Variants in TMTC2 observed in about 807,000 individuals in gnomAD.
TMTC2 encodes the protein protein O-mannosyl-transferase TMTC2.
TMTC2 carries 43 observed loss-of-function variants against 82.4 expected under a neutral mutation model. The ratio of observed to expected loss-of-function variants is 0.52; its 90% CI spans 0.41 to 0.67. TMTC2 has a LOEUF of 0.67. Among genes scored for constraint, TMTC2 ranks in the 30% least tolerant of loss-of-function variants. The probability of loss-of-function intolerance (pLI) is 0.00; values close to 1 mark genes in which losing one functional copy is unlikely to be tolerated. For synonymous variants in TMTC2, 408 were observed against 381.9 expected (o/e 1.07, Z -0.80); for missense variants, 919 against 1,012.4 (o/e 0.91, Z 1.25).
chr12:82,983,767 A>G (rs1879033580), intron 7 of TMTC2, among the ~76,000 whole-genome samples: 1 of 152,048 alleles, frequency 6.6e-6, no homozygotes, highest in Admixed American at 6.6e-5. Context: ...ATTTAGGCCC[A>G]TATTCCATCT....
In TMTC2 at chr12:82,942,337, T is replaced by C. The variant is rs146272697; in HGVS notation, c.1598+11792T>C. ...ATTTATTATTAATAGGATAAGATGT[T>C]TCCTGGTTCTTAAAATATCAGTCTG... On this transcript the variant is annotated intron_variant, in intron 4 of 11. Coordinates refer to ENST00000321196, the MANE Select transcript of TMTC2 (RefSeq NM_152588.3). 8.8e-3 allele frequency among the ~76,000 whole-genome samples: 1,335 copies of C among 152,326 alleles called. 23 individuals carry two copies. Among genetic ancestry groups the C allele is most frequent in the African/African-American group, 0.03 (1,264 of 41,572 alleles).
intron 11 of TMTC2, among the ~76,000 whole-genome samples, chr12:83,105,214 T>G (rs944422221): frequency 1.3e-5 from 2 of 152,168 alleles, no homozygotes; most frequent in African/African-American, 4.8e-5. Flanking sequence ...CCAACTTTCC[T>G]TTATCTTCCT....
intron 1 of TMTC2, among the ~76,000 whole-genome samples, chr12:82,732,360 T>G (rs1190800976): frequency 1.3e-5 from 2 of 152,112 alleles, no homozygotes; most frequent in East Asian, 1.9e-4. Context: ...TTTTTTTTTA[T>G]GAGACGGATT....
chr12:83,047,511 C>CA (rs1165338039), intron 9 of TMTC2, among the ~76,000 whole-genome samples: 2 of 152,206 alleles, frequency 1.3e-5, no homozygotes, highest in Non-Finnish European at 2.9e-5. Flanking sequence ...AGATGATTCA[C>CA]ATTCCATAAT....
intron 11 of TMTC2, among the ~76,000 whole-genome samples, chr12:83,078,064 C>A (rs1883347896): frequency 1.3e-5 from 2 of 151,924 alleles, no homozygotes; most frequent in Non-Finnish European, 2.9e-5. Flanking sequence ...ACTGACTTAG[C>A]AGGGCTCTCA....
Position 82,944,494 on chromosome 12 carries a change from G to A in TMTC2, c.1598+13949G>A, listed in dbSNP as rs1796165. 9.0e-3 allele frequency among the ~76,000 whole-genome samples: 1,352 copies of A among 150,476 alleles called. 21 individuals are homozygous for A. Among genetic ancestry groups the A allele is most frequent in the African/African-American group, 0.031 (1,285 of 40,858 alleles). On this transcript the variant is annotated intron_variant, in intron 4 of 11. Transcript: ENST00000321196. ...AGCGACTCCCAGGCAGGAGAAAGGC[G>A]TGAACCCGGGAGATGGCGCTTGCAG...
intron 4 of TMTC2, among the ~76,000 whole-genome samples, chr12:82,951,970 T>C (rs555696570): frequency 6.6e-6 from 1 of 152,186 alleles, no homozygotes; most frequent in African/African-American, 2.4e-5. Context: ...ATTCTTTTGC[T>C]TGGTCCTCGA....
chr12:82,771,991 C>T (rs76889629), intron 1 of TMTC2, among the ~76,000 whole-genome samples: 1,612 of 152,216 alleles, frequency 0.011, 35 homozygotes, highest in African/African-American at 0.037. Context: ...TAACCTTGTT[C>T]GTCTCATAGT....
intron 3 of TMTC2, among the ~76,000 whole-genome samples, chr12:82,913,173 A>G (rs1874799048): frequency 6.6e-6 from 1 of 152,278 alleles, no homozygotes; most frequent in East Asian, 1.9e-4. Flanking sequence ...AGAATTTTAA[A>G]ATTTCTTTTG....
At chr12:83,081,290 C>CG (rs912908957) in intron 11 of TMTC2, among the ~76,000 whole-genome samples, 88 of 152,218 alleles carry the variant, frequency 5.8e-4, no homozygotes, top group African/African-American at 2.0e-3. Flanking sequence ...TTTGCTCTGG[C>CG]CTGACTCATT....
intron 11 of TMTC2, among the ~76,000 whole-genome samples, chr12:83,106,417 T>C (rs1419419725): frequency 1.3e-5 from 2 of 148,406 alleles, no homozygotes; most frequent in African/African-American, 5.0e-5. Context: ...GAGAATCACC[T>C]GAACCCAGGA....
chr12:82,929,156 C>CCTCGACTCTATGGG (rs1444708472), intron 3 of TMTC2, among the ~76,000 whole-genome samples: 1 of 151,998 alleles, frequency 6.6e-6, no homozygotes, highest in Non-Finnish European at 1.5e-5. Flanking sequence ...CTCACTGTAG[C>CCTCGACTCTATGGG]CTCGACTCTA....
At chr12:82,787,812 G>A (rs1469198111) in intron 1 of TMTC2, among the ~76,000 whole-genome samples, 2 of 152,060 alleles carry the variant, frequency 1.3e-5, no homozygotes, top group Non-Finnish European at 2.9e-5. Flanking sequence ...TTGGGAGGCT[G>A]AGGCAGGAGA....
chr12:82,899,309 G>A (rs555606696), intron 3 of TMTC2, among the ~76,000 whole-genome samples: 1 of 151,954 alleles, frequency 6.6e-6, no homozygotes, highest in South Asian at 2.1e-4. Context: ...TTCCCCAGCA[G>A]CTCTGGCCGA....
intron 1 of TMTC2, among the ~76,000 whole-genome samples, chr12:82,768,567 A>T (rs1877109812): frequency 6.6e-6 from 1 of 152,038 alleles, no homozygotes; most frequent in African/African-American, 2.4e-5. Flanking sequence ...TTTACATCCC[A>T]CAATGCTGGG....
At chr12:82,889,138 G>A (rs560831084) in intron 2 of TMTC2, among the ~76,000 whole-genome samples, 23 of 151,918 alleles carry the variant, frequency 1.5e-4, no homozygotes, top group Non-Finnish European at 2.6e-4. Context: ...TTAGCCAGGC[G>A]TGGTGGCACA....
chr12:83,054,156 T>C (rs972229657), intron 10 of TMTC2, among the ~76,000 whole-genome samples: 1 of 152,086 alleles, frequency 6.6e-6, no homozygotes, highest in Non-Finnish European at 1.5e-5. Context: ...ACCTCCCTCC[T>C]CACCTGCGCT....
At chr12:82,936,924 G>T (rs1382994107) in intron 4 of TMTC2, among the ~76,000 whole-genome samples, 1 of 152,032 alleles carries the variant, frequency 6.6e-6, no homozygotes, top group African/African-American at 2.4e-5. Flanking sequence ...TATCAGAGTA[G>T]AAAATATCCT....
intron 1 of TMTC2, among the ~76,000 whole-genome samples, chr12:82,801,922 GAC>G (rs1416684679): frequency 1.6e-4 from 24 of 152,270 alleles, no homozygotes; most frequent in African/African-American, 5.5e-4. Context: ...CCCTTAGCTA[GAC>G]ATAAAGATTC....
Sources: gnomAD v4.1 joint callset for allele counts (sites outside exome capture counted in the v4.1 genomes callset) on GRCh38, gnomAD v4.1.1 for gene constraint, MANE v1.5 for transcripts, NCBI Gene and HGNC (gene_info 2026-07-23, HGNC 2026-07-21) for gene names.